The following PDGFD variants were observed in gnomAD, a reference collection of about 807,000 sequenced individuals.
The protein encoded by PDGFD is platelet derived growth factor D.
In PDGFD, 30 loss-of-function variants were observed where a neutral mutation model predicts 44.7. The ratio of observed to expected loss-of-function variants is 0.67; its 90% CI spans 0.50 to 0.91. The LOEUF is 0.91. Among genes scored for constraint, PDGFD ranks in the 40% least tolerant of loss-of-function variants. PDGFD has a pLI of 0.00. For missense variants in PDGFD, 445 were observed against 457.8 expected, an observed-to-expected ratio of 0.97 and a Z score of 0.25; for synonymous variants, 173 against 168.4, an observed-to-expected ratio of 1.03 and a Z score of -0.21.
At chr11:103,986,553 T>C (rs942323942) in intron 3 of PDGFD, among the ~76,000 whole-genome samples, 2 of 152,152 alleles carry the variant, frequency 1.3e-5, no homozygotes, top group Non-Finnish European at 2.9e-5. Flanking sequence ...GCAAAGATTA[T>C]AACTGAGAAA....
intron 1 of PDGFD, among the ~76,000 whole-genome samples, chr11:104,163,111 G>T (rs948298722): frequency 6.6e-6 from 1 of 152,088 alleles, no homozygotes; most frequent in African/African-American, 2.4e-5. Flanking sequence ...ATAATTGGAA[G>T]CCGCTTCTGC....
At chr11:104,113,134 CT>C (rs1861585261) in intron 1 of PDGFD, among the ~76,000 whole-genome samples, 1 of 152,120 alleles carries the variant, frequency 6.6e-6, no homozygotes, top group African/African-American at 2.4e-5. Flanking sequence ...GAAAAATGTA[CT>C]TCATGGAGAA....
chr11:104,091,463 T>C (rs983073048), intron 1 of PDGFD, among the ~76,000 whole-genome samples: 1 of 152,184 alleles, frequency 6.6e-6, no homozygotes, highest in African/African-American at 2.4e-5. Context: ...TTACCCAATG[T>C]GACTGAGCTA....
chr11:104,089,143 G>GA (rs1438056434), intron 1 of PDGFD, among the ~76,000 whole-genome samples: 1 of 152,200 alleles, frequency 6.6e-6, no homozygotes, highest in Admixed American at 6.5e-5. Context: ...AGAGTCATCA[G>GA]AGAGTATTTC....
chr11:104,052,849 A>G (rs1293491729), intron 1 of PDGFD, among the ~76,000 whole-genome samples: 2 of 152,096 alleles, frequency 1.3e-5, no homozygotes, highest in Admixed American at 6.6e-5. Flanking sequence ...TAAAATTTGT[A>G]TCTCCAATGT....
chr11:104,096,467 G>T (rs1009123806), intron 1 of PDGFD, among the ~76,000 whole-genome samples: 5 of 152,094 alleles, frequency 3.3e-5, no homozygotes, highest in Non-Finnish European at 7.4e-5. Flanking sequence ...GAAAGACAAC[G>T]AACAAATTAG....
intron 6 of PDGFD, among the ~76,000 whole-genome samples, chr11:103,923,592 A>G (rs994902772): frequency 5.9e-5 from 9 of 152,220 alleles, no homozygotes; most frequent in Non-Finnish European, 7.3e-5. Context: ...GTAAGAATAC[A>G]GACACAGAAT....
At chr11:104,008,317 A>G (rs1859733904) in intron 1 of PDGFD, among the ~76,000 whole-genome samples, 1 of 152,138 alleles carries the variant, frequency 6.6e-6, no homozygotes, top group African/African-American at 2.4e-5. Context: ...TAAAATCTCA[A>G]ATCTCAAATC....
intron 5 of PDGFD, among the ~76,000 whole-genome samples, chr11:103,929,756 C>T (rs777072460): frequency 2.6e-5 from 4 of 152,170 alleles, no homozygotes; most frequent in Non-Finnish European, 5.9e-5. Context: ...TGATTGCAGA[C>T]TTTCTGCAGG....
In PDGFD at chr11:104,016,358, G is replaced by T. The variant is rs180895233; in HGVS notation, c.125-16103C>A. Among the ~76,000 whole-genome samples, 502 of 152,330 alleles carry T rather than the reference G, an allele frequency of 3.3e-3. 2 individuals are homozygous for T. The highest frequency in any genetic ancestry group is 0.012 in the African/African-American group (479 of 41,570). On this transcript the variant is annotated intron_variant, in intron 1 of 6. Coordinates refer to ENST00000393158, the MANE Select transcript of PDGFD (RefSeq NM_025208.5). ...GGGTTGGATTCAAGGCCAAAGAAAA[G>T]GCCTTTCTTGACATATTTCTAAATA...
Position 103,907,436 on chromosome 11 carries a change from T to C in PDGFD, c.*2258A>G, listed in dbSNP as rs1001511266. The C allele has an allele frequency of 6.6e-6, 1 of 152,212 alleles. No individual in the cohort carries two copies. The highest frequency in any genetic ancestry group is 1.5e-5 in the Non-Finnish European group (1 of 68,034). The allele number at this position is 152,212 out of a possible 1,614,324, so 9.4% of individuals were successfully genotyped here. Reference sequence around the variant, plus strand: ...GAAATGTAATTTGTACGGCCAGCTTTTTATTCCTTTGATGGCTATCAAATA... The same window carrying C: ...GAAATGTAATTTGTACGGCCAGCTTCTTATTCCTTTGATGGCTATCAAATA... On this transcript the variant is annotated 3_prime_UTR_variant, in exon 7 of 7. Coordinates refer to ENST00000393158, the MANE Select transcript of PDGFD (RefSeq NM_025208.5).
chr11:104,085,888 A>C (rs1861121463), intron 1 of PDGFD, among the ~76,000 whole-genome samples: 1 of 152,078 alleles, frequency 6.6e-6, no homozygotes, highest in Non-Finnish European at 1.5e-5. Flanking sequence ...AAGTGTTTAG[A>C]TCTATTGGAC....
At chr11:103,995,624 A>T (rs930815772) in intron 3 of PDGFD, among the ~76,000 whole-genome samples, 2 of 152,204 alleles carry the variant, frequency 1.3e-5, no homozygotes, top group Non-Finnish European at 2.9e-5. Context: ...TCTGGGTCAT[A>T]ATTGAAATTA....
chr11:104,091,112 TG>T (rs1300001001), intron 1 of PDGFD, among the ~76,000 whole-genome samples: 1 of 152,168 alleles, frequency 6.6e-6, no homozygotes. Flanking sequence ...AGAGGAAGCA[TG>T]GTAAATTAAA....
At chr11:103,924,032 G>C (rs1389669912) in intron 6 of PDGFD, among the ~76,000 whole-genome samples, 2 of 152,194 alleles carry the variant, frequency 1.3e-5, no homozygotes, top group African/African-American at 4.8e-5. Context: ...TTATTGTGTA[G>C]AGAGATAAGA....
intron 6 of PDGFD, among the ~76,000 whole-genome samples, chr11:103,910,760 T>TCCCCTGGAAAGGGGCTGAAG (rs71037205): frequency 0.46 from 69,271 of 151,508 alleles, 15,945 homozygotes; most frequent in South Asian, 0.49. Context: ...AACCATTCAC[T>TCCCCTGGAAAGGGGCTGAAG]CCAGGGATCC....
At chr11:104,032,460 A>G (rs538259182) in intron 1 of PDGFD, among the ~76,000 whole-genome samples, 2 of 152,288 alleles carry the variant, frequency 1.3e-5, no homozygotes, top group Non-Finnish European at 2.9e-5. Flanking sequence ...AAAGGAAGAA[A>G]TCCCAATGTA....
chr11:103,970,203 C>T (rs1859083033), intron 3 of PDGFD, among the ~76,000 whole-genome samples: 1 of 151,968 alleles, frequency 6.6e-6, no homozygotes, highest in South Asian at 2.1e-4. Context: ...GTTGAGAGAA[C>T]ATATAAATTA....
At chr11:103,972,591 A>G (rs759935287) in intron 3 of PDGFD, among the ~76,000 whole-genome samples, 3 of 152,168 alleles carry the variant, frequency 2.0e-5, no homozygotes, top group African/African-American at 7.2e-5. Context: ...GAGCTTCAAC[A>G]AGAAACATAG....
Sources: gnomAD v4.1 joint callset for allele counts (sites outside exome capture counted in the v4.1 genomes callset) on GRCh38, gnomAD v4.1.1 for gene constraint, MANE v1.5 for transcripts, NCBI Gene and HGNC (gene_info 2026-07-23, HGNC 2026-07-21) for gene names.